The following COPRS variants were observed in gnomAD, a reference collection of about 807,000 sequenced individuals.
COPRS encodes the protein cooperator of PRMT5.
In COPRS, 11 loss-of-function variants were observed where a neutral mutation model predicts 19.9. That is an observed-to-expected ratio of 0.55 (90% CI 0.35 to 0.92). COPRS has a LOEUF of 0.92. COPRS is among the 40% of genes least tolerant of loss of function. The probability of loss-of-function intolerance (pLI) is 0.01; values close to 1 mark genes in which losing one functional copy is unlikely to be tolerated. For missense variants in COPRS, 225 were observed against 229.9 expected (o/e 0.98, Z 0.14); for synonymous variants, 81 against 82.7 (o/e 0.98, Z 0.11).
At chr17:31,857,905 C>CA (rs1422841377) in intron 1 of COPRS, among the ~76,000 whole-genome samples, 2 of 152,194 alleles carry the variant, frequency 1.3e-5, no homozygotes, top group South Asian at 2.1e-4. Flanking sequence ...AATCAGCATT[C>CA]ATTATCTAGT....
intron 1 of COPRS, 31 bp downstream of exon 1, chr17:31,859,070 C>G (rs1489628435): frequency 4.4e-5 from 50 of 1,145,580 alleles, no homozygotes; most frequent in Admixed American, 1.8e-4. Flanking sequence ...CTGCGGCTGG[C>G]TGTTGCTCCT....
chr17:31,852,728 C>T, intron 3 of COPRS, 84 bp downstream of exon 3: 1 of 919,786 alleles, frequency 1.1e-6, no homozygotes, highest in Non-Finnish European at 1.8e-6. Flanking sequence ...GATGTGGACC[C>T]CTGTTCCAAA....
chr17:31,855,234 G>A (rs535240448), intron 2 of COPRS, among the ~76,000 whole-genome samples: 17 of 151,902 alleles, frequency 1.1e-4, no homozygotes, highest in Non-Finnish European at 1.9e-4. Flanking sequence ...AAATTAGGCC[G>A]GGAGCAGTGG....
intron 1 of COPRS, among the ~76,000 whole-genome samples, chr17:31,857,869 T>C (rs551333259): frequency 1.3e-5 from 2 of 152,208 alleles, no homozygotes; most frequent in Non-Finnish European, 2.9e-5. Context: ...TTCTGCTACA[T>C]CTAAACTGTA....
intron 3 of COPRS, 42 bp downstream of exon 3, chr17:31,852,770 T>G: frequency 2.8e-6 from 4 of 1,426,600 alleles, no homozygotes; most frequent in Non-Finnish European, 4.0e-6. Flanking sequence ...CAGGTGTGTC[T>G]GAGAAGGCCT....
At chr17:31,858,799 G>T in intron 1 of COPRS, 1 of 1,550,352 alleles carries the variant, frequency 6.5e-7, no homozygotes, top group Non-Finnish European at 8.7e-7. Context: ...CCCGGCTCTC[G>T]GTCACCAGCG....
Position 31,853,046 on chromosome 17 carries a change from G to A in COPRS, c.167-16C>T. On this transcript the variant is annotated splice_polypyrimidine_tract_variant and intron_variant, in intron 2 of 3. Coordinates refer to ENST00000302362, the MANE Select transcript of COPRS (RefSeq NM_018405.4). Reference sequence around the variant, plus strand: ...GTTCCACGGGCTAAATTGACAAAGAGAAGATGGCCTTAGTGACAAACCAAA... The same window carrying A: ...GTTCCACGGGCTAAATTGACAAAGAAAAGATGGCCTTAGTGACAAACCAAA... 6.3e-7 allele frequency: 1 copy of A among 1,595,322 alleles called. No homozygotes were observed. Among genetic ancestry groups the A allele is most frequent in the African/African-American group, 1.3e-5 (1 of 74,606 alleles).
At chr17:31,856,921 T>C (rs1909375363) in intron 1 of COPRS, 56 bp from the exon 2 acceptor site, 1 of 1,085,842 alleles carries the variant, frequency 9.2e-7, no homozygotes, top group African/African-American at 1.6e-5. Context: ...ATGCCCAGTA[T>C]TCAGCTATTG....
chr17:31,852,758 G>A, intron 3 of COPRS, 54 bp downstream of exon 3: 4 of 1,307,994 alleles, frequency 3.1e-6, no homozygotes, highest in Non-Finnish European at 4.4e-6. Flanking sequence ...GGGCTGGTCT[G>A]ACAGGTGTGT....
intron 1 of COPRS, among the ~76,000 whole-genome samples, chr17:31,858,576 T>C (rs1909431711): frequency 6.6e-6 from 1 of 152,210 alleles, no homozygotes. Context: ...AACCAGGAGC[T>C]GTCTAGCTTA....
At chr17:31,853,137 C>A in intron 2 of COPRS, 107 bp from the exon 3 acceptor site, 2 of 783,228 alleles carry the variant, frequency 2.6e-6, no homozygotes, top group Non-Finnish European at 2.2e-6. Context: ...AACAAGTGCA[C>A]AGAGTCTTCT....
chr17:31,853,172 A>G (rs1333524394), intron 2 of COPRS, 142 bp from the exon 3 acceptor site: 1 of 682,668 alleles, frequency 1.5e-6, no homozygotes. Context: ...CTTTTTTAAA[A>G]ATGCACTTCT....
At chr17:31,853,753 G>A (rs1338040796) in intron 2 of COPRS, among the ~76,000 whole-genome samples, 2 of 152,150 alleles carry the variant, frequency 1.3e-5, no homozygotes, top group African/African-American at 2.4e-5. Flanking sequence ...AAGGGGAGCA[G>A]GGGCACTGCA....
At chr17:31,857,732 G>A (rs1377066177) in intron 1 of COPRS, among the ~76,000 whole-genome samples, 2 of 152,160 alleles carry the variant, frequency 1.3e-5, no homozygotes, top group African/African-American at 4.8e-5. Flanking sequence ...TACTGTGCCT[G>A]AGTTTTCTTC....
chr17:31,855,400 G>C (rs895945274), intron 2 of COPRS, among the ~76,000 whole-genome samples: 3 of 152,000 alleles, frequency 2.0e-5, no homozygotes, highest in African/African-American at 4.8e-5. Flanking sequence ...CCAGCTACTC[G>C]GGAGGCTGAG....
chr17:31,857,875 C>T (rs1421795293), intron 1 of COPRS, among the ~76,000 whole-genome samples: 1 of 152,218 alleles, frequency 6.6e-6, no homozygotes, highest in Non-Finnish European at 1.5e-5. Context: ...TACATCTAAA[C>T]TGTACTCGGC....
chr17:31,858,903 CGCCCCGCA>C lies in COPRS; in HGVS notation c.99+190_99+197del, dbSNP rs1338076005. On this transcript the variant is annotated intron_variant, in intron 1 of 3. Transcript: ENST00000302362. ...GCCCACCCACGCCCTCGGCTTTCCCCGCCCCGCAGCCCCGCGGCCCCGCGGCCTGGCCG... is the reference window on the plus strand; with the variant it reads ...GCCCACCCACGCCCTCGGCTTTCCCCGCCCCGCGGCCCCGCGGCCTGGCCG... The C allele has an allele frequency of 2.7e-6, 4 of 1,507,402 alleles. No individual in the cohort carries two copies. The African/African-American group carries it at 4.2e-5, about 16-fold the overall frequency. 93.4% of individuals were successfully genotyped at this position (1,507,402 alleles called of 1,614,324 possible).
At chr17:31,855,976 A>G (rs1431466199) in intron 2 of COPRS, among the ~76,000 whole-genome samples, 1 of 144,396 alleles carries the variant, frequency 6.9e-6, no homozygotes, top group Non-Finnish European at 1.5e-5. Flanking sequence ...CCTGGGCAAC[A>G]AGAGCAAAAC....
At chr17:31,854,218 A>T (rs1220046547) in intron 2 of COPRS, among the ~76,000 whole-genome samples, 1 of 151,920 alleles carries the variant, frequency 6.6e-6, no homozygotes, top group Non-Finnish European at 1.5e-5. Context: ...AAATTCAAAA[A>T]ATTTAGCTGG....
Sources: gnomAD v4.1 joint callset for allele counts (sites outside exome capture counted in the v4.1 genomes callset) on GRCh38, gnomAD v4.1.1 for gene constraint, MANE v1.5 for transcripts, NCBI Gene and HGNC (gene_info 2026-07-23, HGNC 2026-07-21) for gene names.